STX18: variants seen among roughly 807,000 people sequenced by gnomAD.
The protein encoded by STX18 is syntaxin 18.
A neutral mutation model predicts 50.1 loss-of-function variants in STX18; 40 were observed. The ratio of observed to expected loss-of-function variants is 0.80; its 90% CI spans 0.62 to 1.04. The LOEUF is 1.04. Ranked by LOEUF, STX18 falls within the 50% of genes least tolerant of loss-of-function variation. The pLI, the probability that STX18 is intolerant of heterozygous loss-of-function variation, is 0.00. For synonymous variants in STX18, 158 were observed against 151.8 expected (o/e 1.04, Z -0.30); for missense variants, 410 against 415.8 (o/e 0.99, Z 0.12).
chr4:4,471,776 T>TA (rs1727933335), intron 1 of STX18, 70 bp from the exon 2 acceptor site: 2 of 1,174,926 alleles, frequency 1.7e-6, no homozygotes, highest in Non-Finnish European at 1.2e-6. Flanking sequence ...TTTAAATTAA[T>TA]AGAGAATAAA....
At chr4:4,503,161 G>A (rs1050641673) in intron 1 of STX18, among the ~76,000 whole-genome samples, 2 of 152,194 alleles carry the variant, frequency 1.3e-5, no homozygotes, top group Non-Finnish European at 2.9e-5. Flanking sequence ...CAAGAACTGC[G>A]TGGGGTGGCA....
chr4:4,523,518 G>T (rs1021261421), intron 1 of STX18, among the ~76,000 whole-genome samples: 2 of 152,158 alleles, frequency 1.3e-5, no homozygotes, highest in African/African-American at 4.8e-5. Context: ...CTACAAACCT[G>T]AACTCATCTT....
intron 1 of STX18, among the ~76,000 whole-genome samples, chr4:4,496,573 C>T (rs1043380989): frequency 1.3e-5 from 2 of 152,172 alleles, no homozygotes; most frequent in Non-Finnish European, 2.9e-5. Flanking sequence ...CTGAGCTTAC[C>T]CAAGCCTTTG....
rs115112363 is a variant in STX18 at position 4,484,612 on chromosome 4, C to T, written c.169-12906G>A. On this transcript the variant is annotated intron_variant, in intron 1 of 10. Transcript: ENST00000306200. ...ACCGGAGACCCCTCCCTGTAGACAG[C>T]CAGCTCAACTAGTCACGAACACCCT... Among the ~76,000 whole-genome samples the T allele has an allele frequency of 3.8e-3, 582 of 152,304 alleles. 4 individuals carry two copies. The highest frequency in any genetic ancestry group is 0.013 in the African/African-American group (548 of 41,562).
At chr4:4,499,644 T>G (rs1729342395) in intron 1 of STX18, 1 of 504,836 alleles carries the variant, frequency 2.0e-6, no homozygotes, top group Non-Finnish European at 2.6e-6. Context: ...TCATTAAACC[T>G]GAACCAGGTG....
chr4:4,425,309 C>T (rs1560156407), intron 7 of STX18, 87 bp from the exon 8 acceptor site: 12 of 1,236,522 alleles, frequency 9.7e-6, no homozygotes, highest in Non-Finnish European at 1.4e-5. Context: ...CTCCAGGAAT[C>T]ACTGCCGAAG....
chr4:4,520,473 A>G (rs1202717805), intron 1 of STX18, among the ~76,000 whole-genome samples: 3 of 152,224 alleles, frequency 2.0e-5, no homozygotes, highest in African/African-American at 4.8e-5. Flanking sequence ...TGCACTTTAA[A>G]TATTTTTGCT....
At chr4:4,504,124 T>C (rs1283575405) in intron 1 of STX18, among the ~76,000 whole-genome samples, 1 of 152,134 alleles carries the variant, frequency 6.6e-6, no homozygotes, top group East Asian at 1.9e-4. Context: ...AAGCATACCA[T>C]GAGAGCTGCC....
intron 7 of STX18, among the ~76,000 whole-genome samples, chr4:4,432,629 G>C (rs1156803605): frequency 6.6e-6 from 1 of 152,248 alleles, no homozygotes; most frequent in Non-Finnish European, 1.5e-5. Context: ...AGGGAACAGA[G>C]GTCCAGAGCA....
At chr4:4,451,171 T>A (rs923083994) in intron 5 of STX18, among the ~76,000 whole-genome samples, 1 of 152,224 alleles carries the variant, frequency 6.6e-6, no homozygotes, top group African/African-American at 2.4e-5. Context: ...GCTGAACATT[T>A]CAGAAATGCA....
Position 4,457,439 on chromosome 4 carries a change from A to G in STX18, c.414T>C (p.Ile138=). 6.2e-7 allele frequency: 1 copy of G among 1,613,636 alleles called. No individual in the cohort carries two copies. The highest frequency in any genetic ancestry group is 8.5e-7 in the Non-Finnish European group (1 of 1,179,684). ...KEHRTAVLDF[I]EDYLKRVCKL... ...ATGAAATACTTTTCAAGTAATCTTC[A>G]ATGAAATCCAAAACAGCGGTCCTGT... The change falls in exon 4 of 11, where the codon ATT becomes ATC. Residue 138 remains isoleucine (I), a synonymous_variant. Transcript: ENST00000306200.
At chr4:4,516,042 T>C (rs1730252091) in intron 1 of STX18, among the ~76,000 whole-genome samples, 1 of 152,098 alleles carries the variant, frequency 6.6e-6, no homozygotes, top group South Asian at 2.1e-4. Flanking sequence ...AAACAAAAAA[T>C]AAAATTAGAT....
At chr4:4,431,158 A>G (rs902728708) in intron 7 of STX18, among the ~76,000 whole-genome samples, 6 of 152,126 alleles carry the variant, frequency 3.9e-5, no homozygotes, top group African/African-American at 1.4e-4. Flanking sequence ...TTCCTTTATG[A>G]AGAGTGGTGG....
rs115608788 is a variant in STX18, at chr4:4,482,691, C to T, written c.169-10985G>A. 3.9e-3 allele frequency among the ~76,000 whole-genome samples: 590 copies of T among 152,300 alleles called. 4 individuals carry two copies. Among genetic ancestry groups the T allele is most frequent in the African/African-American group, 0.014 (576 of 41,558 alleles). ...TCCTCTTCTCTGCCCTGCACTCTGG[C>T]ACCTGCTTCTCTCTGCCCAGAATGT... is the stretch of plus-strand genomic sequence containing the variant. On this transcript the variant is annotated intron_variant, in intron 1 of 10. Transcript: ENST00000306200.
chr4:4,447,592 C>CAA lies in STX18; in HGVS notation c.498-9085_498-9084dup, dbSNP rs34300930. On this transcript the variant is annotated intron_variant, in intron 5 of 10. Transcript: ENST00000306200. ...GGCGACAGAGCGAGACTCCGTCTCA[C>CAA]AAAAAAAAAAAAAAAAAAAAAAAAA... is the stretch of plus-strand genomic sequence containing the variant. 8.5e-3 allele frequency among the ~76,000 whole-genome samples: 389 copies of CAA among 45,912 alleles called. 74 individuals carry two copies. The highest frequency in any genetic ancestry group is 0.012 in the Non-Finnish European group (303 of 24,896). The allele number at this position is 45,912 out of a possible 152,430, so 30.1% of individuals were successfully genotyped here.
rs754749923 is a variant in STX18, at chr4:4,541,782, T to C, written c.168+15A>G. 27 of 1,599,962 alleles carry C rather than the reference T, an allele frequency of 1.7e-5. No individual in the cohort carries two copies. The South Asian group carries it at 2.1e-4, about 13-fold the overall frequency. On this transcript the variant is annotated intron_variant, in intron 1 of 10. Coordinates refer to ENST00000306200, the MANE Select transcript of STX18 (RefSeq NM_016930.4). ...CCCCCTCCTCAACCCGCCGTTTCCA[T>C]AGCAACCAGCTCACCACTTCGCGGG...
chr4:4,483,867 T>C (rs1197440038), intron 1 of STX18, among the ~76,000 whole-genome samples: 1 of 152,174 alleles, frequency 6.6e-6, no homozygotes, highest in African/African-American at 2.4e-5. Flanking sequence ...AGGAATTTTT[T>C]TTTTCCTTTT....
intron 1 of STX18, among the ~76,000 whole-genome samples, chr4:4,519,473 T>C (rs1353648046): frequency 6.6e-6 from 1 of 152,176 alleles, no homozygotes. Context: ...GCATTTCCCA[T>C]TTCAGACCAC....
chr4:4,436,327 A>G (rs1360139534), intron 6 of STX18, among the ~76,000 whole-genome samples: 1 of 152,208 alleles, frequency 6.6e-6, no homozygotes, highest in Non-Finnish European at 1.5e-5. Context: ...AAGGTTGGCT[A>G]AAAGTATCTT....
Sources: allele counts gnomAD v4.1 joint callset (sites outside exome capture counted in the v4.1 genomes callset), GRCh38; gene constraint gnomAD v4.1.1; transcripts MANE v1.5; gene names NCBI Gene and HGNC (gene_info 2026-07-23, HGNC 2026-07-21).